CMC2: variants seen among roughly 807,000 people sequenced by gnomAD.
CMC2 encodes the protein COX assembly mitochondrial protein 2 homolog.
In CMC2, 5 loss-of-function variants were observed where a neutral mutation model predicts 7.5. That is an observed-to-expected ratio of 0.66 (90% confidence interval 0.35 to 1.40). CMC2 has a LOEUF of 1.40. Ranked by LOEUF, CMC2 falls within the 40% of genes most tolerant of loss-of-function variation. CMC2 has a pLI of 0.04. For synonymous variants in CMC2, 37 were observed against 31.4 expected (o/e 1.18, Z -0.60); for missense variants, 115 against 92.3 (o/e 1.25, Z -1.01).
chr16:80,991,154 G>A lies in CMC2; in HGVS notation c.81+6160C>T, dbSNP rs1333429020. Reference sequence around the variant, plus strand: ...CAAGGTATAAAGTAAATATACATGAGTCCATACTGACATAAGTAAATAAAT... The same window carrying A: ...CAAGGTATAAAGTAAATATACATGAATCCATACTGACATAAGTAAATAAAT... On this transcript the variant is annotated intron_variant, in intron 2 of 3. Coordinates refer to ENST00000219400, the MANE Select transcript of CMC2 (RefSeq NM_020188.5). Among the ~76,000 whole-genome samples, 6 of 151,854 alleles carry A rather than the reference G, an allele frequency of 4.0e-5. No individual in the cohort carries two copies. The East Asian group carries it at 5.8e-4, about 15-fold the overall frequency.
intron 1 of CMC2, among the ~76,000 whole-genome samples, chr16:80,999,874 C>A (rs947809447): frequency 6.6e-6 from 1 of 152,148 alleles, no homozygotes; most frequent in Non-Finnish European, 1.5e-5. Flanking sequence ...TGGACCCCTA[C>A]CTTTCATCAT....
chr16:80,995,851 G>A (rs575794359), intron 2 of CMC2, among the ~76,000 whole-genome samples: 1 of 151,988 alleles, frequency 6.6e-6, no homozygotes, highest in African/African-American at 2.4e-5. Flanking sequence ...GGTTGCATGG[G>A]TATCTATATA....
chr16:80,981,751 C>A (rs1754585335), intron 3 of CMC2, 55 bp downstream of exon 3: 5 of 1,178,460 alleles, frequency 4.2e-6, no homozygotes, highest in African/African-American at 1.5e-5. Context: ...ACACAATATT[C>A]AAAAATGTTC....
At chr16:80,986,764 T>C (rs1286749142) in intron 2 of CMC2, among the ~76,000 whole-genome samples, 1 of 152,224 alleles carries the variant, frequency 6.6e-6, no homozygotes, top group African/African-American at 2.4e-5. Flanking sequence ...AGTGGAAGTT[T>C]TAAAAAGAGA....
In CMC2 at chr16:80,972,767, GTATCC is replaced by G. The variant is rs1475164329; in HGVS notation, c.*3321_*3325del. ...GTAAGGAAATCTCTTCCTTCACTTG[GTATCC>G]TGCACAGACCCTACAATGCCTTCCT... On this transcript the variant is annotated 3_prime_UTR_variant, in exon 4 of 4. Coordinates refer to ENST00000219400, the MANE Select transcript of CMC2 (RefSeq NM_020188.5). The G allele has an allele frequency of 1.3e-5, 2 of 152,138 alleles. No homozygotes were observed. The highest frequency in any genetic ancestry group is 1.3e-4 in the Admixed American group (2 of 15,260). 9.4% of individuals were successfully genotyped at this position (152,138 alleles called of 1,614,324 possible).
intron 2 of CMC2, among the ~76,000 whole-genome samples, chr16:80,985,901 CAAAA>C (rs57915291): frequency 1.9e-5 from 2 of 104,998 alleles, no homozygotes; most frequent in Admixed American, 1.1e-4. Flanking sequence ...CATATACCTG[CAAAA>C]AAAAAAAAAA....
At chr16:80,994,922 G>C (rs1470021884) in intron 2 of CMC2, among the ~76,000 whole-genome samples, 1 of 152,100 alleles carries the variant, frequency 6.6e-6, no homozygotes, top group Admixed American at 6.5e-5. Flanking sequence ...ATGGCAGGTG[G>C]ATCACCTGAG....
intron 3 of CMC2, 74 bp downstream of exon 3, chr16:80,981,732 G>T: frequency 1.1e-6 from 1 of 875,678 alleles, no homozygotes; most frequent in South Asian, 1.9e-5. Context: ...ATTCAATAAT[G>T]GCAGTAATAC....
intron 3 of CMC2, among the ~76,000 whole-genome samples, chr16:80,979,549 C>A (rs988836466): frequency 6.6e-6 from 1 of 151,788 alleles, no homozygotes; most frequent in Non-Finnish European, 1.5e-5. Flanking sequence ...AAACAAATAG[C>A]CATACTGAAT....
At chr16:80,977,184 C>G (rs949976803) in intron 3 of CMC2, among the ~76,000 whole-genome samples, 1 of 152,184 alleles carries the variant, frequency 6.6e-6, no homozygotes, top group Non-Finnish European at 1.5e-5. Context: ...CTCCTCAAAT[C>G]CTATGTTTCT....
In CMC2 at chr16:80,967,021, C is replaced by A. The variant is rs1446062183; in HGVS notation, c.*9072G>T. On this transcript the variant is annotated 3_prime_UTR_variant, in exon 4 of 4. Coordinates refer to ENST00000219400, the MANE Select transcript of CMC2 (RefSeq NM_020188.5). ...AATTTTAAAGTCCTTTGGGCTACTTCAACACTTTATTTATTCTTTATTCAC... is the reference window on the plus strand; with the variant it reads ...AATTTTAAAGTCCTTTGGGCTACTTAAACACTTTATTTATTCTTTATTCAC... 1 of 152,200 alleles carries A rather than the reference C, an allele frequency of 6.6e-6. No homozygotes were observed. The highest frequency in any genetic ancestry group is 1.5e-5 in the Non-Finnish European group (1 of 68,028). The allele number at this position is 152,200 out of a possible 1,614,324, so 9.4% of individuals were successfully genotyped here.
chr16:81,006,696 G>C, intron 1 of CMC2, 38 bp downstream of exon 1: 1 of 985,072 alleles, frequency 1.0e-6, no homozygotes, highest in Non-Finnish European at 1.2e-6. Flanking sequence ...GAGGAACAAC[G>C]GAACGCGTTC....
chr16:80,988,541 T>A, intron 2 of CMC2: 1 of 701,978 alleles, frequency 1.4e-6, no homozygotes, highest in South Asian at 1.5e-5. Flanking sequence ...AGCTCTTACA[T>A]ATACACCCGA....
At chr16:80,999,628 A>G (rs1489656336) in intron 1 of CMC2, among the ~76,000 whole-genome samples, 1 of 152,246 alleles carries the variant, frequency 6.6e-6, no homozygotes, top group African/African-American at 2.4e-5. Context: ...AGCAAAAAGA[A>G]CAAAAACCAA....
At chr16:81,002,865 G>A (rs139136160) in intron 1 of CMC2, among the ~76,000 whole-genome samples, 1 of 152,156 alleles carries the variant, frequency 6.6e-6, no homozygotes, top group Non-Finnish European at 1.5e-5. Context: ...CTATGTCAAA[G>A]AATAAAATGG....
At chr16:81,003,550 T>A (rs1969020538) in intron 1 of CMC2, among the ~76,000 whole-genome samples, 1 of 152,186 alleles carries the variant, frequency 6.6e-6, no homozygotes, top group Admixed American at 6.5e-5. Flanking sequence ...AGCTGCAAAG[T>A]CACAACCCAA....
intron 1 of CMC2, among the ~76,000 whole-genome samples, chr16:81,002,834 C>T (rs1027981196): frequency 6.6e-6 from 1 of 152,186 alleles, no homozygotes; most frequent in South Asian, 2.1e-4. Context: ...TAAGGCCCTT[C>T]TACTTTCTTA....
In CMC2 at chr16:80,972,025, A is replaced by C. The variant is rs545928973; in HGVS notation, c.*4068T>G. 1 of 152,282 alleles carries C rather than the reference A, an allele frequency of 6.6e-6. No homozygotes were observed. The highest frequency in any genetic ancestry group is 2.1e-4 in the South Asian group (1 of 4,826). The allele number at this position is 152,282 out of a possible 1,614,324, so 9.4% of individuals were successfully genotyped here. On this transcript the variant is annotated 3_prime_UTR_variant, in exon 4 of 4. Transcript: ENST00000219400. ...CTTGTTCTCCATCTCCTGTCCTCCC[A>C]TGTGACCAGCTGCCGGTGAGATCAG...
chr16:80,969,768 T>C lies in CMC2; in HGVS notation c.*6325A>G, dbSNP rs762989054. 6.6e-6 allele frequency: 1 copy of C among 152,178 alleles called. No individual in the cohort carries two copies. Among genetic ancestry groups the C allele is most frequent in the East Asian group, 1.9e-4 (1 of 5,190 alleles). The allele number at this position is 152,178 out of a possible 1,614,324, so 9.4% of individuals were successfully genotyped here. ...AGCCGGGCATCATGGTGCATGCCTG[T>C]AATCCCAGCTACTTGGGAGGCTGAG... On this transcript the variant is annotated 3_prime_UTR_variant, in exon 4 of 4. Transcript: ENST00000219400.
Sources: allele counts gnomAD v4.1 joint callset (sites outside exome capture counted in the v4.1 genomes callset), GRCh38; gene constraint gnomAD v4.1.1; transcripts MANE v1.5; gene names NCBI Gene and HGNC (gene_info 2026-07-23, HGNC 2026-07-21).